TENM1: variants seen among roughly 807,000 people sequenced by gnomAD.
TENM1 encodes the protein teneurin transmembrane protein 1, also known as teneurin-1.
In TENM1, 35 loss-of-function variants were observed where a neutral mutation model predicts 174.8. That is an observed-to-expected ratio of 0.20 (90% CI 0.15 to 0.27). The LOEUF is 0.27. Among genes scored for constraint, TENM1 ranks in the 10% least tolerant of loss-of-function variants. The pLI is 1.00. For synonymous variants in TENM1, 781 were observed against 798.7 expected (o/e 0.98, Z 0.37); for missense variants, 1,633 against 2,130.1 (o/e 0.77, Z 4.59).
At chrX:124,419,514 G>T (rs1414849578) in intron 25 of TENM1, among the ~76,000 whole-genome samples, 1 of 111,981 alleles carries the variant, frequency 8.9e-6, no homozygotes, top group Non-Finnish European at 1.9e-5. Context: ...GGGCTTACTT[G>T]CAAACAAGGT....
At chrX:125,183,164 T>C in the TENM1 span, among the ~76,000 whole-genome samples, 1 of 112,450 alleles carries the variant, frequency 8.9e-6, no homozygotes, top group Admixed American at 9.5e-5. Flanking sequence ...ACTAGAATTG[T>C]TGATATTTTA....
intron 3 of TENM1, among the ~76,000 whole-genome samples, chrX:124,741,158 T>C (rs1411834866): frequency 5.4e-5 from 6 of 112,026 alleles, no homozygotes; most frequent in Non-Finnish European, 1.1e-4. Flanking sequence ...GAGCTACTAA[T>C]AGAAGTATAA....
chrX:124,492,554 A>G (rs1414677329), intron 20 of TENM1, among the ~76,000 whole-genome samples: 1 of 110,466 alleles, frequency 9.1e-6, no homozygotes, highest in Non-Finnish European at 1.9e-5. Flanking sequence ...CTGAGTAAAC[A>G]TGACAGCTAA....
the TENM1 span, among the ~76,000 whole-genome samples, chrX:125,040,254 T>A: frequency 9.0e-6 from 1 of 111,023 alleles, no homozygotes; most frequent in Non-Finnish European, 1.9e-5. Context: ...ATATTCACAT[T>A]CATTCCTAAT....
At chrX:124,827,787 A>C (rs2056200838) in intron 3 of TENM1, among the ~76,000 whole-genome samples, 1 of 112,273 alleles carries the variant, frequency 8.9e-6, no homozygotes, top group Non-Finnish European at 1.9e-5. Context: ...TCAGAGCTTC[A>C]TAGCTTTACT....
chrX:124,732,288 C>G (rs1022839706), intron 4 of TENM1, among the ~76,000 whole-genome samples: 1 of 111,610 alleles, frequency 9.0e-6, no homozygotes, highest in African/African-American at 3.3e-5. Flanking sequence ...ATGTGGCCAC[C>G]AAAAAAGCTG....
intron 25 of TENM1, among the ~76,000 whole-genome samples, chrX:124,407,918 G>A (rs777918930): frequency 3.6e-5 from 4 of 111,772 alleles, no homozygotes; most frequent in East Asian, 2.8e-4. Flanking sequence ...AGCTAAGGAC[G>A]CGTTATCAAA....
intron 3 of TENM1, among the ~76,000 whole-genome samples, chrX:124,891,499 A>C (rs182176317): frequency 7.3e-5 from 8 of 110,136 alleles, no homozygotes; most frequent in Non-Finnish European, 1.5e-4. Context: ...TCTAAACTAA[A>C]AATACGAAAG....
At chrX:124,983,643 CAG>C in the TENM1 span, among the ~76,000 whole-genome samples, 2 of 111,066 alleles carry the variant, frequency 1.8e-5, no homozygotes, top group Admixed American at 9.6e-5. Context: ...TTTTTTGAGA[CAG>C]AGTCTTGCTC....
chrX:125,059,819 T>A, the TENM1 span, among the ~76,000 whole-genome samples: 1 of 111,284 alleles, frequency 9.0e-6, no homozygotes, highest in South Asian at 3.8e-4. Flanking sequence ...TTTGCCACAA[T>A]GTGAATAGGC....
At chrX:124,424,537 C>G (rs1198090751) in intron 23 of TENM1, among the ~76,000 whole-genome samples, 1 of 111,439 alleles carries the variant, frequency 9.0e-6, no homozygotes, top group African/African-American at 3.3e-5. Context: ...TGAGGTCAAC[C>G]TTTTTAGCTT....
At chrX:124,803,973 A>G (rs893941999) in intron 3 of TENM1, among the ~76,000 whole-genome samples, 6 of 112,299 alleles carry the variant, frequency 5.3e-5, no homozygotes, top group African/African-American at 1.9e-4. Context: ...AGATGTATAC[A>G]TGTATTTTAA....
At chrX:124,761,642 T>C (rs774491464) in intron 3 of TENM1, among the ~76,000 whole-genome samples, 2 of 109,854 alleles carry the variant, frequency 1.8e-5, no homozygotes, top group East Asian at 5.8e-4. Context: ...TGTATACATA[T>C]GTAACAAACC....
At chrX:124,811,162 A>T (rs2055762661) in intron 3 of TENM1, among the ~76,000 whole-genome samples, 1 of 111,819 alleles carries the variant, frequency 8.9e-6, no homozygotes, top group African/African-American at 3.2e-5. Context: ...TAATAGAAAA[A>T]TGAGATTACA....
the TENM1 span, among the ~76,000 whole-genome samples, chrX:125,154,503 C>A: frequency 2.7e-5 from 3 of 111,631 alleles, no homozygotes; most frequent in Non-Finnish European, 5.6e-5. Context: ...TCTGTTCACA[C>A]AACAAATATC....
At chrX:124,408,676 T>A (rs971097106) in intron 25 of TENM1, among the ~76,000 whole-genome samples, 24 of 110,909 alleles carry the variant, frequency 2.2e-4, no homozygotes, top group African/African-American at 7.2e-4. Context: ...AAACTTTTTT[T>A]TTATTATTAT....
the TENM1 span, among the ~76,000 whole-genome samples, chrX:125,177,016 A>G: frequency 8.2e-5 from 9 of 109,988 alleles, no homozygotes; most frequent in African/African-American, 3.0e-4. Context: ...TAAAGCATTA[A>G]TCAGGGTGTT....
chrX:125,115,979 A>T, the TENM1 span, among the ~76,000 whole-genome samples: 1 of 111,744 alleles, frequency 8.9e-6, no homozygotes, highest in African/African-American at 3.3e-5. Context: ...GCATCACGCT[A>T]CTTGATTTCA....
rs758240997 is a variant in TENM1, at chrX:124,495,824, C to T, written c.3695+1192G>A. Among the ~76,000 whole-genome samples the T allele has an allele frequency of 5.5e-3, 571 of 103,105 alleles. 3 individuals carry two copies. Among genetic ancestry groups the T allele is most frequent in the African/African-American group, 0.016 (444 of 27,012 alleles). The allele number at this position is 103,105 out of a possible 115,157, so 89.5% of individuals were successfully genotyped here. A position where few individuals can be genotyped will look rare whatever the true frequency, so the allele number is the denominator to read the frequency against. ...GTAATTTACAGATTCAATGCCATCC[C>T]CATCAAGCTACCAATGCCTTTCTTC... On this transcript the variant is annotated intron_variant, in intron 20 of 31. Coordinates refer to ENST00000422452, the Ensembl canonical transcript of TENM1.
Sources: allele counts gnomAD v4.1 joint callset (sites outside exome capture counted in the v4.1 genomes callset), GRCh38; gene constraint gnomAD v4.1.1; transcripts MANE v1.5; gene names NCBI Gene and HGNC (gene_info 2026-07-23, HGNC 2026-07-21).